The following LNPEP variants were observed in gnomAD, a reference collection of about 807,000 sequenced individuals.
The protein encoded by LNPEP is leucyl and cystinyl aminopeptidase.
In LNPEP, 64 loss-of-function variants were observed where a neutral mutation model predicts 120.6. The ratio of observed to expected loss-of-function variants is 0.53; its 90% confidence interval spans 0.43 to 0.65. The LOEUF (loss-of-function observed/expected upper bound fraction) is 0.65. Ranked by LOEUF, LNPEP falls within the 30% of genes least tolerant of loss-of-function variation. LNPEP has a pLI of 0.00. For synonymous variants in LNPEP, 435 were observed against 425.4 expected, an observed-to-expected ratio of 1.02 and a Z score of -0.28; for missense variants, 1,057 against 1,200.0, an observed-to-expected ratio of 0.88 and a Z score of 1.76.
At chr5:97,007,355 T>C (rs1037783477) in intron 11 of LNPEP, among the ~76,000 whole-genome samples, 1 of 152,162 alleles carries the variant, frequency 6.6e-6, no homozygotes, top group Non-Finnish European at 1.5e-5. Flanking sequence ...ACTTATATGA[T>C]TTTAGGCGAG....
At position 96,979,500 on chromosome 5, in the gene LNPEP, A is replaced by G; in HGVS notation, c.382A>G (p.Ile128Val). 6.2e-7 allele frequency: 1 copy of G among 1,613,972 alleles called. No individual in the cohort carries two copies. The highest frequency in any genetic ancestry group is 8.5e-7 in the Non-Finnish European group (1 of 1,179,952). The change falls in exon 2 of 18, where the codon ATT becomes GTT. Residue 128 changes from isoleucine to valine, a missense_variant. Ile to Val is a conservative substitution (Grantham distance 29). Transcript: ENST00000231368. ...IVVAVSVIMV[I>V]YLLPRCTFTK... Reference sequence around the variant, plus strand: ...GGTTGCTGTTTCTGTAATCATGGTGATTTACTTACTGCCCAGATGTACCTT... The same window carrying G: ...GGTTGCTGTTTCTGTAATCATGGTGGTTTACTTACTGCCCAGATGTACCTT...
At chr5:97,020,474 G>T (rs1450573976) in intron 13 of LNPEP, among the ~76,000 whole-genome samples, 1 of 151,878 alleles carries the variant, frequency 6.6e-6, no homozygotes, top group Non-Finnish European at 1.5e-5. Context: ...TTTCATTTTG[G>T]TCCTTCTTAT....
At chr5:96,982,613 C>T (rs769362923) in intron 2 of LNPEP, among the ~76,000 whole-genome samples, 2 of 152,158 alleles carry the variant, frequency 1.3e-5, no homozygotes, top group Admixed American at 6.5e-5. Flanking sequence ...GTCCCTTATG[C>T]TTCTCTTCCA....
chr5:96,936,839 G>T (rs1032446526), intron 1 of LNPEP: 2 of 152,158 alleles, frequency 1.3e-5, no homozygotes, highest in African/African-American at 4.8e-5. Flanking sequence ...ACTTGTTAAT[G>T]TCAAGGGTCC....
At chr5:97,013,126 C>T (rs1226943758) in intron 11 of LNPEP, among the ~76,000 whole-genome samples, 1 of 152,088 alleles carries the variant, frequency 6.6e-6, no homozygotes, top group Admixed American at 6.6e-5. Context: ...GCATGGATAA[C>T]ATGTATACTT....
Position 97,027,781 on chromosome 5 carries a change from T to G in LNPEP, c.2913T>G (p.Thr971=). 6.2e-7 allele frequency: 1 copy of G among 1,609,552 alleles called. No individual in the cohort carries two copies. The highest frequency in any genetic ancestry group is 8.5e-7 in the Non-Finnish European group (1 of 1,175,788). ...TACAAAATATTGTTGCTGGATCAAC[T>G]TACCTGTTTTCAACAAAGACACATT... ...YTIQNIVAGS[T]YLFSTKTHLS... is the part of the protein sequence containing the mutation. Residue 971 remains threonine, a synonymous_variant, in exon 17 of 18, where the codon ACT becomes ACG. Coordinates refer to ENST00000231368, the MANE Select transcript of LNPEP (RefSeq NM_005575.3).
chr5:96,938,585 G>A (rs1038851251), intron 1 of LNPEP, among the ~76,000 whole-genome samples: 1 of 152,052 alleles, frequency 6.6e-6, no homozygotes, highest in Admixed American at 6.6e-5. Context: ...TAGTTTCCCT[G>A]TTTTCTGTCC....
rs780759281 is a variant in LNPEP, at chr5:97,024,695, C to G, written c.2723+13C>G. On this transcript the variant is annotated intron_variant, in intron 15 of 17. Coordinates refer to ENST00000231368, the MANE Select transcript of LNPEP (RefSeq NM_005575.3). ...GGAAGCTTTACTGGTATGAAATCACCGAGGAATATGATATACAGAAACCAA... is the reference window on the plus strand; with the variant it reads ...GGAAGCTTTACTGGTATGAAATCACGGAGGAATATGATATACAGAAACCAA... 1 of 1,609,186 alleles carries G rather than the reference C, an allele frequency of 6.2e-7. No individual in the cohort carries two copies. Among genetic ancestry groups the G allele is most frequent in the African/African-American group, 1.3e-5 (1 of 74,782 alleles).
At chr5:96,955,654 C>T (rs1789451008) in intron 1 of LNPEP, among the ~76,000 whole-genome samples, 1 of 152,198 alleles carries the variant, frequency 6.6e-6, no homozygotes, top group African/African-American at 2.4e-5. Flanking sequence ...GAATAGTATT[C>T]CACTGTACAG....
rs1791347813 is a variant in LNPEP, at chr5:97,026,647, C to T, written c.2754C>T (p.Asn918=). The change falls in exon 16 of 18, where the codon AAC becomes AAT. Residue 918 remains asparagine (N), a synonymous_variant. Transcript: ENST00000231368. ...WLMKSSLNGD[N]FRTQKLSFII... is the part of the protein sequence containing the mutation. Reference sequence around the variant, plus strand: ...TGAAAAGTAGCCTGAATGGAGATAACTTCCGAACACAGAAGCTGTCTTTTA... The same window carrying T: ...TGAAAAGTAGCCTGAATGGAGATAATTTCCGAACACAGAAGCTGTCTTTTA... 1 of 1,613,320 alleles carries T rather than the reference C, an allele frequency of 6.2e-7. No individual in the cohort carries two copies. Among genetic ancestry groups the T allele is most frequent in the East Asian group, 2.2e-5 (1 of 44,862 alleles).
intron 11 of LNPEP, among the ~76,000 whole-genome samples, chr5:97,007,759 A>G (rs563186863): frequency 6.6e-6 from 1 of 152,336 alleles, no homozygotes; most frequent in African/African-American, 2.4e-5. Flanking sequence ...GTTGTTATAA[A>G]ATATTGCCTT....
At chr5:96,996,109 A>G (rs1179544648) in intron 6 of LNPEP, 1 of 236,444 alleles carries the variant, frequency 4.2e-6, no homozygotes, top group African/African-American at 2.3e-5. Flanking sequence ...GCTATATTGC[A>G]TGTTTGTTAC....
chr5:97,021,809 A>G (rs1303380676), intron 13 of LNPEP, among the ~76,000 whole-genome samples: 2 of 136,330 alleles, frequency 1.5e-5, no homozygotes, highest in African/African-American at 6.7e-5. Flanking sequence ...TGTGGGTTTC[A>G]TATGTCAGTT....
chr5:96,951,820 G>A (rs1388292383), intron 1 of LNPEP, among the ~76,000 whole-genome samples: 1 of 151,138 alleles, frequency 6.6e-6, no homozygotes. Context: ...TCCCATTTTT[G>A]TCCTGCACTG....
chr5:97,000,211 T>C (rs1293001956), intron 8 of LNPEP, among the ~76,000 whole-genome samples: 5 of 152,206 alleles, frequency 3.3e-5, no homozygotes. Context: ...GTGTTTATAA[T>C]ATAATGTGGT....
chr5:97,013,620 A>G (rs962480834), intron 11 of LNPEP, 28 bp from the exon 12 acceptor site: 1 of 1,332,102 alleles, frequency 7.5e-7, no homozygotes, highest in African/African-American at 1.5e-5. Context: ...CTTCTCTCTC[A>G]ATCTCTCATT....
At chr5:96,958,527 T>G (rs1581984502) in intron 1 of LNPEP, 3 of 978,714 alleles carry the variant, frequency 3.1e-6, no homozygotes, top group Non-Finnish European at 3.6e-6. Flanking sequence ...CTAGTTGTAT[T>G]AGTTTTCTAT....
At chr5:97,024,955 G>A (rs1791305489) in intron 15 of LNPEP, among the ~76,000 whole-genome samples, 1 of 152,028 alleles carries the variant, frequency 6.6e-6, no homozygotes, top group Admixed American at 6.5e-5. Context: ...TTGGAATGTT[G>A]TCTTATACAC....
At chr5:97,001,238 G>C (rs1209315219) in intron 8 of LNPEP, among the ~76,000 whole-genome samples, 1 of 152,128 alleles carries the variant, frequency 6.6e-6, no homozygotes, top group Non-Finnish European at 1.5e-5. Context: ...GGTGATGGAG[G>C]TACAACTGGA....
Sources: allele counts gnomAD v4.1 joint callset (sites outside exome capture counted in the v4.1 genomes callset), GRCh38; gene constraint gnomAD v4.1.1; transcripts MANE v1.5; gene names NCBI Gene and HGNC (gene_info 2026-07-23, HGNC 2026-07-21).